The following GPATCH2 variants were observed in gnomAD, a reference collection of about 807,000 sequenced individuals.
GPATCH2 encodes the protein G patch domain-containing protein 2.
GPATCH2 carries 51 observed loss-of-function variants against 58.0 expected under a neutral mutation model. The ratio of observed to expected loss-of-function variants is 0.88; its 90% CI spans 0.70 to 1.11. The LOEUF is 1.11. Among genes scored for constraint, GPATCH2 ranks in the 50% most tolerant of loss-of-function variants. GPATCH2 has a pLI of 0.00. For missense variants in GPATCH2, 625 were observed against 652.2 expected, an observed-to-expected ratio of 0.96 and a Z score of 0.45; for synonymous variants, 222 against 218.5, an observed-to-expected ratio of 1.02 and a Z score of -0.14.
chr1:217,620,694 T>C (rs2102842229), intron 1 of GPATCH2, among the ~76,000 whole-genome samples, 195 bp from the exon 2 acceptor site: 1 of 152,344 alleles, frequency 6.6e-6, no homozygotes, highest in Non-Finnish European at 1.5e-5. Context: ...TAAGTTCTTT[T>C]ATTAAACATA....
At chr1:217,479,294 T>C (rs747998377) in intron 8 of GPATCH2, among the ~76,000 whole-genome samples, 12 of 152,102 alleles carry the variant, frequency 7.9e-5, no homozygotes, top group Non-Finnish European at 1.2e-4. Flanking sequence ...AAATGATGAA[T>C]GAATAAAAAA....
chr1:217,456,258 ACCC>A (rs1659937952), intron 8 of GPATCH2, among the ~76,000 whole-genome samples: 2 of 151,854 alleles, frequency 1.3e-5, no homozygotes, highest in Non-Finnish European at 2.9e-5. Flanking sequence ...ACAAGTACCC[ACCC>A]CTAGATGCTA....
intron 5 of GPATCH2, among the ~76,000 whole-genome samples, chr1:217,575,568 T>G (rs1471523633): frequency 6.6e-6 from 1 of 152,170 alleles, no homozygotes; most frequent in Non-Finnish European, 1.5e-5. Flanking sequence ...ATTCTTTATG[T>G]GCTTCCAATT....
intron 1 of GPATCH2, among the ~76,000 whole-genome samples, chr1:217,620,776 A>T (rs1326635528): frequency 6.6e-6 from 1 of 152,178 alleles, no homozygotes; most frequent in Non-Finnish European, 1.5e-5. Context: ...TTTCTGTATA[A>T]TTATGGAAAA....
intron 5 of GPATCH2, among the ~76,000 whole-genome samples, chr1:217,581,996 T>C (rs1467906748): frequency 6.6e-6 from 1 of 152,130 alleles, no homozygotes; most frequent in Non-Finnish European, 1.5e-5. Context: ...TATTCTTTGA[T>C]CCTCTTCTCT....
At chr1:217,443,395 T>C (rs554635173) in intron 9 of GPATCH2, among the ~76,000 whole-genome samples, 35 of 152,326 alleles carry the variant, frequency 2.3e-4, no homozygotes, top group African/African-American at 7.9e-4. Context: ...TTTTTAAGTT[T>C]GCTACCGGTA....
intron 8 of GPATCH2, among the ~76,000 whole-genome samples, chr1:217,468,244 T>C (rs1015025604): frequency 6.6e-6 from 1 of 152,118 alleles, no homozygotes; most frequent in African/African-American, 2.4e-5. Context: ...GCAATAATCA[T>C]CATGGCAAAT....
At chr1:217,474,986 C>T (rs1478641299) in intron 8 of GPATCH2, among the ~76,000 whole-genome samples, 2 of 152,082 alleles carry the variant, frequency 1.3e-5, no homozygotes, top group Non-Finnish European at 2.9e-5. Flanking sequence ...TTTAACAAAA[C>T]TTGTAACAAG....
At chr1:217,446,846 T>C (rs1659411308) in intron 9 of GPATCH2, among the ~76,000 whole-genome samples, 1 of 152,196 alleles carries the variant, frequency 6.6e-6, no homozygotes, top group African/African-American at 2.4e-5. Flanking sequence ...GTTACTGAGT[T>C]GTAACGTCAA....
intron 8 of GPATCH2, among the ~76,000 whole-genome samples, chr1:217,459,012 T>A (rs1660080877): frequency 6.6e-6 from 1 of 152,194 alleles, no homozygotes; most frequent in Non-Finnish European, 1.5e-5. Context: ...GTTTTTCATA[T>A]ATTAAAAGCA....
intron 5 of GPATCH2, among the ~76,000 whole-genome samples, chr1:217,564,987 A>C (rs912415158): frequency 3.3e-5 from 5 of 152,238 alleles, no homozygotes; most frequent in Non-Finnish European, 7.3e-5. Flanking sequence ...GTTGAAAAAG[A>C]AGAAGCAGAA....
Position 217,498,345 on chromosome 1 carries a change from A to G in GPATCH2, c.1206+11T>C, listed in dbSNP as rs368913049. 469 of 1,605,300 alleles carry G rather than the reference A, an allele frequency of 2.9e-4. 1 individual carries two copies. The highest frequency in any genetic ancestry group is 3.5e-4 in the Non-Finnish European group (412 of 1,171,896). On this transcript the variant is annotated intron_variant, in intron 7 of 9. Coordinates refer to ENST00000366935, the MANE Select transcript of GPATCH2 (RefSeq NM_018040.5). Reference sequence around the variant, plus strand: ...CTGAGTAACTTCCTTTTGGATTACAATGGTCCTTACCTGGTCATGCTCTGT... The same window carrying G: ...CTGAGTAACTTCCTTTTGGATTACAGTGGTCCTTACCTGGTCATGCTCTGT...
intron 5 of GPATCH2, among the ~76,000 whole-genome samples, chr1:217,574,400 T>C (rs1030384292): frequency 6.6e-6 from 1 of 152,066 alleles, no homozygotes; most frequent in Admixed American, 6.6e-5. Context: ...TGACTAGGAA[T>C]CTCCTAGAGC....
chr1:217,583,125 G>A lies in GPATCH2; in HGVS notation c.1098+27196C>T, dbSNP rs75153291. ...TAGATTAAACAGCAGATCAGATGAA[G>A]ATAAAAAGAGAATTAAATAACTGGA... On this transcript the variant is annotated intron_variant, in intron 5 of 9. Transcript: ENST00000366935. Among the ~76,000 whole-genome samples the A allele has an allele frequency of 4.5e-3, 688 of 152,114 alleles. 7 individuals carry two copies. Among genetic ancestry groups the A allele is most frequent in the African/African-American group, 0.016 (648 of 41,492 alleles).
At chr1:217,493,707 G>C (rs1318538615) in intron 7 of GPATCH2, among the ~76,000 whole-genome samples, 1 of 152,044 alleles carries the variant, frequency 6.6e-6, no homozygotes, top group Non-Finnish European at 1.5e-5. Flanking sequence ...TGAAAATAAA[G>C]AAAATTAATT....
chr1:217,600,593 TA>T (rs1243018609), intron 5 of GPATCH2, among the ~76,000 whole-genome samples: 1 of 152,060 alleles, frequency 6.6e-6, no homozygotes, highest in Non-Finnish European at 1.5e-5. Context: ...ATCAGAAACA[TA>T]AAAGGGAGAA....
At chr1:217,610,486 A>C in intron 4 of GPATCH2, 86 bp from the exon 5 acceptor site, 1 of 808,624 alleles carries the variant, frequency 1.2e-6, no homozygotes, top group South Asian at 1.6e-5. Flanking sequence ...TAGAGAAAGA[A>C]AAGTAAGTTG....
intron 5 of GPATCH2, among the ~76,000 whole-genome samples, chr1:217,569,652 A>G (rs1666441990): frequency 6.6e-6 from 1 of 152,168 alleles, no homozygotes. Flanking sequence ...CGAAGACTGC[A>G]CCATTGCACT....
chr1:217,528,983 G>A (rs540948040), intron 5 of GPATCH2, among the ~76,000 whole-genome samples: 5 of 152,164 alleles, frequency 3.3e-5, no homozygotes, highest in Non-Finnish European at 7.3e-5. Flanking sequence ...TGAATGTGGT[G>A]CCAGTGTTCA....
Sources: allele counts gnomAD v4.1 joint callset (sites outside exome capture counted in the v4.1 genomes callset), GRCh38; gene constraint gnomAD v4.1.1; transcripts MANE v1.5; gene names NCBI Gene and HGNC (gene_info 2026-07-23, HGNC 2026-07-21).